Variants in LMF1 observed in about 807,000 individuals in gnomAD.
LMF1 encodes the protein lipase maturation factor 1.
A neutral mutation model predicts 60.6 loss-of-function variants in LMF1; 68 were observed. That is an observed-to-expected ratio of 1.12 (90% CI 0.92 to 1.37). The LOEUF is 1.37. Among genes scored for constraint, LMF1 ranks in the 40% most tolerant of loss-of-function variants. LMF1 has a pLI of 0.00. For synonymous variants in LMF1, 418 were observed against 324.7 expected, an observed-to-expected ratio of 1.29 and a Z score of -3.09; for missense variants, 948 against 767.2, an observed-to-expected ratio of 1.24 and a Z score of -2.78.
intron 1 of LMF1, chr16:979,221 C>A: frequency 5.1e-6 from 2 of 391,740 alleles, no homozygotes. Context: ...GGCTCACACC[C>A]GCGGAGGACG....
chr16:861,696 G>C (rs1244326318), intron 10 of LMF1, among the ~76,000 whole-genome samples: 1 of 152,068 alleles, frequency 6.6e-6, no homozygotes, highest in Admixed American at 6.6e-5. Context: ...GGATACCTTG[G>C]GATTTCCTAC....
At chr16:932,737 A>C (rs1371016038) in intron 3 of LMF1, among the ~76,000 whole-genome samples, 1 of 152,210 alleles carries the variant, frequency 6.6e-6, no homozygotes, top group Non-Finnish European at 1.5e-5. Flanking sequence ...ATTTTAAATA[A>C]ATAAAATTTA....
At chr16:950,052 G>A (rs1419479966) in intron 2 of LMF1, among the ~76,000 whole-genome samples, 3 of 114,632 alleles carry the variant, frequency 2.6e-5, no homozygotes, top group South Asian at 7.0e-4. Flanking sequence ...CAGAGCCAAC[G>A]ACAGAGTCAG....
At chr16:857,739 CGGG>C (rs1251890358) in intron 10 of LMF1, among the ~76,000 whole-genome samples, 1 of 72,204 alleles carries the variant, frequency 1.4e-5, no homozygotes, top group Non-Finnish European at 2.4e-5. Flanking sequence ...CGTGGTGTCT[CGGG>C]ACGGGTGTGC....
rs185742698 is a variant in LMF1, at chr16:854,116, A to C, written c.*416T>G. 1.7e-4 allele frequency: 78 copies of C among 461,760 alleles called. No homozygotes were observed. The highest frequency in any genetic ancestry group is 1.5e-3 in the African/African-American group (76 of 50,456). 28.6% of individuals were successfully genotyped at this position (461,760 alleles called of 1,614,324 possible). A position where few individuals can be genotyped will look rare whatever the true frequency, so the allele number is the denominator to read the frequency against. ...GACCTGGCTGGGAACACACCATTGA[A>C]GAGGGAACAGAAACCAGGCCCTGGG... On this transcript the variant is annotated 3_prime_UTR_variant, in exon 11 of 11. Coordinates refer to ENST00000262301, the MANE Select transcript of LMF1 (RefSeq NM_022773.4).
chr16:860,675 T>G (rs2069436426), intron 10 of LMF1, among the ~76,000 whole-genome samples: 1 of 152,180 alleles, frequency 6.6e-6, no homozygotes. Context: ...TACGTTGAAG[T>G]CCAGGATCCG....
intron 3 of LMF1, among the ~76,000 whole-genome samples, chr16:922,716 C>T (rs1035015748): frequency 7.5e-6 from 1 of 132,592 alleles, no homozygotes; most frequent in African/African-American, 3.0e-5. Flanking sequence ...GTGTGAAAGT[C>T]GCCTGGGTTT....
rs28731001 is a variant in LMF1 at position 925,719 on chromosome 16, G to C, written c.514+8525C>G. Among the ~76,000 whole-genome samples, 457 of 152,316 alleles carry C rather than the reference G, an allele frequency of 3.0e-3. 4 individuals carry two copies. The highest frequency in any genetic ancestry group is 0.011 in the African/African-American group (438 of 41,560). On this transcript the variant is annotated intron_variant, in intron 3 of 10. Coordinates refer to ENST00000262301, the MANE Select transcript of LMF1 (RefSeq NM_022773.4). ...CCAGTGCAGTCCAGCTTGGACAAAT[G>C]AGCAAGGCCCTGTCTCTGAAGAAAA...
At chr16:916,309 C>A (rs74509734) in intron 3 of LMF1, among the ~76,000 whole-genome samples, 2,373 of 152,274 alleles carry the variant, frequency 0.016, 58 homozygotes, top group African/African-American at 0.054. Flanking sequence ...CTGTTAAAAT[C>A]GGGGACGAGG....
chr16:911,370 C>T (rs1355289124), intron 3 of LMF1, among the ~76,000 whole-genome samples: 1 of 152,132 alleles, frequency 6.6e-6, no homozygotes, highest in Non-Finnish European at 1.5e-5. Flanking sequence ...TGCCACCCTG[C>T]AGGACGCTGC....
intron 2 of LMF1, among the ~76,000 whole-genome samples, chr16:952,874 T>TGCACATCC: frequency 7.3e-6 from 1 of 137,176 alleles, no homozygotes; most frequent in African/African-American, 2.8e-5. Context: ...ACCAGCCTCC[T>TGCACATCC]ACACATCCAC....
chr16:869,580 G>A (rs2069715948), intron 9 of LMF1: 1 of 625,726 alleles, frequency 1.6e-6, no homozygotes, highest in Admixed American at 2.1e-5. Context: ...CTCAGCTGCT[G>A]GCTAACTTTT....
rs1279092642 is a variant in LMF1 at position 883,362 on chromosome 16, A to G, written c.730-3625T>C. Among the ~76,000 whole-genome samples, 3 of 152,166 alleles carry G rather than the reference A, an allele frequency of 2.0e-5. No homozygotes were observed. The East Asian group carries it at 5.8e-4, about 29-fold the overall frequency. On this transcript the variant is annotated intron_variant, in intron 5 of 10. Transcript: ENST00000262301. ...GAAGCCCATCACAGGACCAGGAGAA[A>G]GAGGAGCTGCCCAGCAGAACCTGTC...
rs1198538122 is a variant in LMF1, at chr16:929,401, G to C, written c.514+4843C>G. Among the ~76,000 whole-genome samples, 3 of 152,212 alleles carry C rather than the reference G, an allele frequency of 2.0e-5. No homozygotes were observed. In the East Asian group the frequency reaches 5.8e-4, roughly 29 times the overall value. Reference sequence around the variant, plus strand: ...ACTCAGGGGATGGGGCCAAACTGGGGGTCAGGCCCACACTTGGGGGACGGT... The same window carrying C: ...ACTCAGGGGATGGGGCCAAACTGGGCGTCAGGCCCACACTTGGGGGACGGT... On this transcript the variant is annotated intron_variant, in intron 3 of 10. Coordinates refer to ENST00000262301, the MANE Select transcript of LMF1 (RefSeq NM_022773.4).
intron 2 of LMF1, among the ~76,000 whole-genome samples, chr16:942,006 T>C (rs139977189): frequency 6.6e-6 from 1 of 152,388 alleles, no homozygotes; most frequent in Non-Finnish European, 1.5e-5. Flanking sequence ...CTCCTTTCTA[T>C]AGATGACTTT....
At chr16:959,210 A>C (rs2072772122) in intron 1 of LMF1, among the ~76,000 whole-genome samples, 1 of 152,262 alleles carries the variant, frequency 6.6e-6, no homozygotes, top group African/African-American at 2.4e-5. Flanking sequence ...CCGGAGGTGC[A>C]TTTGTGCAAC....
intron 1 of LMF1, chr16:979,863 C>G: frequency 2.3e-6 from 1 of 430,544 alleles, no homozygotes; most frequent in Admixed American, 2.4e-5. Flanking sequence ...GCATCCCAGG[C>G]CTAACAGATG....
intron 10 of LMF1, among the ~76,000 whole-genome samples, chr16:864,660 A>AT (rs1267498633): frequency 1.4e-5 from 2 of 144,124 alleles, no homozygotes; most frequent in African/African-American, 5.5e-5. Flanking sequence ...TTAAGTTACT[A>AT]TCTTTTTTTT....
intron 1 of LMF1, among the ~76,000 whole-genome samples, chr16:956,328 A>G (rs8045859): frequency 0.2 from 30,240 of 150,374 alleles, 3,589 homozygotes; most frequent in South Asian, 0.32. Context: ...CAGTATTTGT[A>G]GAACACTGAA....
Sources: gnomAD v4.1 joint callset for allele counts (sites outside exome capture counted in the v4.1 genomes callset) on GRCh38, gnomAD v4.1.1 for gene constraint, MANE v1.5 for transcripts, NCBI Gene and HGNC (gene_info 2026-07-23, HGNC 2026-07-21) for gene names.